Variants in PTPRD observed in about 807,000 individuals in gnomAD.
PTPRD encodes the protein protein tyrosine phosphatase receptor type D, also known as receptor-type tyrosine-protein phosphatase delta.
PTPRD carries 34 observed loss-of-function variants against 214.5 expected under a neutral mutation model. The observed-to-expected ratio is 0.16, with a 90% CI of 0.12 to 0.21. The LOEUF (loss-of-function observed/expected upper bound fraction) is 0.21, where lower values mean the gene tolerates loss of function less well. PTPRD is among the 10% of genes least tolerant of loss of function. The probability of loss-of-function intolerance (pLI) is 1.00; values close to 1 mark genes in which losing one functional copy is unlikely to be tolerated. For synonymous variants in PTPRD, 1,128 were observed against 845.7 expected (o/e 1.33, Z -5.79); for missense variants, 2,545 against 2,398.7 (o/e 1.06, Z -1.27).
At chr9:8,828,093 T>C (rs1003931097) in intron 11 of PTPRD, among the ~76,000 whole-genome samples, 7 of 152,202 alleles carry the variant, frequency 4.6e-5, no homozygotes, top group Non-Finnish European at 1.0e-4. Context: ...AATCCACAGA[T>C]GAAGAGCTGG....
At chr9:9,057,139 G>C (rs1428100030) in intron 10 of PTPRD, among the ~76,000 whole-genome samples, 1 of 152,108 alleles carries the variant, frequency 6.6e-6, no homozygotes, top group Non-Finnish European at 1.5e-5. Context: ...ATAATAATCT[G>C]ATTGCAGGAA....
chr9:10,455,486 A>G (rs1027190736), intron 2 of PTPRD, among the ~76,000 whole-genome samples: 4 of 151,446 alleles, frequency 2.6e-5, no homozygotes, highest in Non-Finnish European at 5.9e-5. Flanking sequence ...CTTTTTTTAC[A>G]TCTCCACTCT....
chr9:9,003,763 G>C (rs1195943716), intron 11 of PTPRD, among the ~76,000 whole-genome samples: 1 of 152,016 alleles, frequency 6.6e-6, no homozygotes, highest in Non-Finnish European at 1.5e-5. Context: ...GCCTGTGATA[G>C]CTGGAAAAAG....
chr9:9,385,090 G>C (rs1342231031), intron 9 of PTPRD, among the ~76,000 whole-genome samples: 1 of 151,992 alleles, frequency 6.6e-6, no homozygotes, highest in South Asian at 2.1e-4. Flanking sequence ...ACAAACACAG[G>C]TCTTCCAACA....
At chr9:8,670,582 T>A (rs960681944) in intron 12 of PTPRD, among the ~76,000 whole-genome samples, 4 of 152,192 alleles carry the variant, frequency 2.6e-5, no homozygotes, top group African/African-American at 9.6e-5. Flanking sequence ...TTTCTATATA[T>A]CTATAAGTAT....
At chr9:9,444,897 C>T (rs1353146366) in intron 8 of PTPRD, among the ~76,000 whole-genome samples, 1 of 152,116 alleles carries the variant, frequency 6.6e-6, no homozygotes, top group Non-Finnish European at 1.5e-5. Flanking sequence ...TGTAAATTGA[C>T]CCTACTTTCT....
intron 8 of PTPRD, among the ~76,000 whole-genome samples, chr9:9,432,290 T>C (rs1381029882): frequency 6.6e-6 from 1 of 152,016 alleles, no homozygotes; most frequent in African/African-American, 2.4e-5. Context: ...CTGAAGCATG[T>C]CAGTTTCTAA....
intron 35 of PTPRD, among the ~76,000 whole-genome samples, chr9:8,427,260 T>A (rs2094742092): frequency 6.6e-6 from 1 of 152,176 alleles, no homozygotes; most frequent in Admixed American, 6.5e-5. Context: ...TAGCCTATTT[T>A]CTGAGAGAAA....
At chr9:8,883,081 T>C (rs1462544683) in intron 11 of PTPRD, among the ~76,000 whole-genome samples, 1 of 152,144 alleles carries the variant, frequency 6.6e-6, no homozygotes, top group Non-Finnish European at 1.5e-5. Flanking sequence ...AATGCCTTAA[T>C]AATACCAATT....
At position 8,441,438 on chromosome 9, in the gene PTPRD, G is replaced by A. The variant is rs536953579; in HGVS notation, c.3989-4749C>T. ...AGCCACTCAAAATCCAGAGTATCGT[G>A]TGGCATTTCCTCAGTTTTCAATGTT... On this transcript the variant is annotated intron_variant, in intron 34 of 45. Transcript: ENST00000381196. Among the ~76,000 whole-genome samples the A allele has an allele frequency of 1.3e-5, 2 of 152,162 alleles. 1 individual carries two copies. Among genetic ancestry groups the A allele is most frequent in the South Asian group, 4.2e-4 (2 of 4,810 alleles).
At chr9:8,586,549 T>C (rs1194028417) in intron 14 of PTPRD, among the ~76,000 whole-genome samples, 1 of 152,166 alleles carries the variant, frequency 6.6e-6, no homozygotes, top group Non-Finnish European at 1.5e-5. Context: ...CTGACTTGGT[T>C]AAATCATTCC....
intron 10 of PTPRD, among the ~76,000 whole-genome samples, chr9:9,047,944 C>T (rs1226977200): frequency 6.6e-6 from 1 of 151,998 alleles, no homozygotes; most frequent in African/African-American, 2.4e-5. Context: ...TGAAAAGAAA[C>T]CTCACAGAAT....
intron 14 of PTPRD, among the ~76,000 whole-genome samples, chr9:8,570,707 C>CACATTTAAG (rs1363186446): frequency 1.3e-5 from 2 of 152,056 alleles, no homozygotes; most frequent in Non-Finnish European, 2.9e-5. Flanking sequence ...GGAATCAATA[C>CACATTTAAG]AGATCTGCTC....
intron 11 of PTPRD, among the ~76,000 whole-genome samples, chr9:8,754,833 C>G (rs759136134): frequency 1.3e-5 from 2 of 152,026 alleles, no homozygotes; most frequent in African/African-American, 4.8e-5. Flanking sequence ...CCACAACAGC[C>G]CTGAAGCTAT....
intron 2 of PTPRD, among the ~76,000 whole-genome samples, chr9:10,479,414 A>G (rs1468065308): frequency 6.6e-6 from 1 of 152,076 alleles, no homozygotes; most frequent in African/African-American, 2.4e-5. Context: ...AGTGGTGGGG[A>G]TGGGGATAAA....
chr9:10,262,456 C>A (rs1156276299), intron 3 of PTPRD, among the ~76,000 whole-genome samples: 1 of 152,094 alleles, frequency 6.6e-6, no homozygotes, highest in Non-Finnish European at 1.5e-5. Context: ...TCAAAATCAC[C>A]TAAGAAATAG....
At chr9:10,373,168 A>C (rs1325413501) in intron 2 of PTPRD, among the ~76,000 whole-genome samples, 2 of 151,714 alleles carry the variant, frequency 1.3e-5, no homozygotes, top group African/African-American at 2.4e-5. Flanking sequence ...AAATTGATGA[A>C]GTTTACAAAA....
chr9:10,272,854 G>C (rs1275138851), intron 3 of PTPRD, among the ~76,000 whole-genome samples: 1 of 152,184 alleles, frequency 6.6e-6, no homozygotes, highest in Non-Finnish European at 1.5e-5. Context: ...ACACATGTGT[G>C]AATTTTTGAA....
chr9:8,341,791 T>A lies in PTPRD; in HGVS notation c.4849A>T (p.Asn1617Tyr), dbSNP rs752185780. ...AAGTTTCTAGCTGGCACTTCGGTAT[T>A]TCCACAAGTCACTGCTTCTAACAGT... ...DALLEAVTCG[N>Y]TEVPARNLYA... The change falls in exon 40 of 46, where the codon AAT (asparagine) becomes TAT (tyrosine). Residue 1617 changes from asparagine (N) to tyrosine (Y), a missense_variant. Coordinates refer to ENST00000381196, the MANE Select transcript of PTPRD (RefSeq NM_002839.4). 1 of 1,613,650 alleles carries A rather than the reference T, an allele frequency of 6.2e-7. No homozygotes were observed. Among genetic ancestry groups the A allele is most frequent in the Non-Finnish European group, 8.5e-7 (1 of 1,179,730 alleles).
Sources: allele counts gnomAD v4.1 joint callset (sites outside exome capture counted in the v4.1 genomes callset), GRCh38; gene constraint gnomAD v4.1.1; transcripts MANE v1.5; gene names NCBI Gene and HGNC (gene_info 2026-07-23, HGNC 2026-07-21).